The following RAPGEF5 variants were observed in gnomAD, a reference collection of about 807,000 sequenced individuals.
RAPGEF5 encodes M-Ras-regulated GEF.
RAPGEF5 carries 65 observed loss-of-function variants against 125.2 expected under a neutral mutation model. That is an observed-to-expected ratio of 0.52 (90% confidence interval 0.43 to 0.64). RAPGEF5 has a LOEUF of 0.64. Among genes scored for constraint, RAPGEF5 ranks in the 30% least tolerant of loss-of-function variants. The pLI is 0.00. For synonymous variants in RAPGEF5, 391 were observed against 385.9 expected, an observed-to-expected ratio of 1.01 and a Z score of -0.16; for missense variants, 958 against 1,048.1, an observed-to-expected ratio of 0.91 and a Z score of 1.19.
intron 14 of RAPGEF5, among the ~76,000 whole-genome samples, chr7:22,160,062 T>C (rs928413894): frequency 8.5e-5 from 13 of 152,080 alleles, no homozygotes; most frequent in African/African-American, 2.7e-4. Context: ...TGAGCCGAGA[T>C]TGCGCTGCTG....
intron 7 of RAPGEF5, among the ~76,000 whole-genome samples, chr7:22,261,825 T>C (rs1782163115): frequency 7.0e-6 from 1 of 143,090 alleles, no homozygotes; most frequent in African/African-American, 2.6e-5. Flanking sequence ...CAACAAATGG[T>C]GCTGAGGTGA....
intron 2 of RAPGEF5, among the ~76,000 whole-genome samples, chr7:22,316,487 A>ATTTT (rs879849683): frequency 1.3e-3 from 45 of 34,130 alleles, no homozygotes; most frequent in Middle Eastern, 0.033. Context: ...ATATATATAT[A>ATTTT]TATTTTTTTT....
At chr7:22,163,598 C>T (rs940039957) in intron 12 of RAPGEF5, among the ~76,000 whole-genome samples, 4 of 152,124 alleles carry the variant, frequency 2.6e-5, no homozygotes, top group Non-Finnish European at 5.9e-5. Flanking sequence ...AATTTATACA[C>T]GATGACCATA....
intron 9 of RAPGEF5, among the ~76,000 whole-genome samples, chr7:22,206,445 T>C (rs1785397974): frequency 2.0e-5 from 3 of 152,216 alleles, no homozygotes; most frequent in Non-Finnish European, 4.4e-5. Flanking sequence ...CTAATGCTTA[T>C]AGTCCCAGCA....
chr7:22,210,591 T>G (rs1350871162), intron 9 of RAPGEF5, among the ~76,000 whole-genome samples: 1 of 152,192 alleles, frequency 6.6e-6, no homozygotes, highest in Non-Finnish European at 1.5e-5. Flanking sequence ...ATTATCACCA[T>G]TATTCTCTAC....
intron 8 of RAPGEF5, among the ~76,000 whole-genome samples, chr7:22,226,580 A>G (rs1785924006): frequency 6.6e-6 from 1 of 152,202 alleles, no homozygotes; most frequent in African/African-American, 2.4e-5. Flanking sequence ...TGCCCCCTTG[A>G]GAATTGGGAA....
chr7:22,221,267 C>T (rs972486462), intron 8 of RAPGEF5, among the ~76,000 whole-genome samples: 1 of 152,142 alleles, frequency 6.6e-6, no homozygotes, highest in African/African-American at 2.4e-5. Context: ...ACAGTCTGTA[C>T]TCTGTTGGAT....
At chr7:22,217,818 A>G (rs1160628718) in intron 9 of RAPGEF5, among the ~76,000 whole-genome samples, 2 of 152,222 alleles carry the variant, frequency 1.3e-5, no homozygotes, top group African/African-American at 4.8e-5. Context: ...TCACGCAAGA[A>G]GTAAAAAATG....
intron 7 of RAPGEF5, among the ~76,000 whole-genome samples, chr7:22,244,404 G>A (rs549077969): frequency 2.6e-5 from 4 of 152,150 alleles, no homozygotes; most frequent in East Asian, 3.9e-4. Flanking sequence ...GAACATTACC[G>A]CCTGAGCTCT....
chr7:22,177,681 G>A (rs1583451652), intron 11 of RAPGEF5, among the ~76,000 whole-genome samples: 1 of 152,184 alleles, frequency 6.6e-6, no homozygotes, highest in Non-Finnish European at 1.5e-5. Context: ...ACCCTAGAAG[G>A]TAGGTTGCAC....
At chr7:22,149,026 A>G (rs1783533963) in intron 18 of RAPGEF5, among the ~76,000 whole-genome samples, 1 of 152,224 alleles carries the variant, frequency 6.6e-6, no homozygotes, top group South Asian at 2.1e-4. Flanking sequence ...AGGCATGTAC[A>G]AATGAAAGAA....
chr7:22,356,100 C>A, intron 1 of RAPGEF5: 1 of 985,404 alleles, frequency 1.0e-6, no homozygotes, highest in Non-Finnish European at 1.2e-6. Context: ...AGCAGACCTT[C>A]CTGCTTCTCT....
At chr7:22,168,632 A>G (rs1784247999) in intron 11 of RAPGEF5, among the ~76,000 whole-genome samples, 1 of 152,262 alleles carries the variant, frequency 6.6e-6, no homozygotes, top group Non-Finnish European at 1.5e-5. Flanking sequence ...AATAACCAGT[A>G]ATATTTACTT....
chr7:22,318,138 GAAAAAA>G, intron 1 of RAPGEF5, 101 bp from the exon 2 acceptor site: 1 of 701,988 alleles, frequency 1.4e-6, no homozygotes, highest in Non-Finnish European at 2.0e-6. Context: ...CCTCTGCTAT[GAAAAAA>G]AAAAAAAAAA....
rs375537734 is a variant in RAPGEF5, at chr7:22,199,102, T to C, written c.997-5069A>G. Among the ~76,000 whole-genome samples, 22 of 152,322 alleles carry C rather than the reference T, an allele frequency of 1.4e-4. No homozygotes were observed. In the East Asian group the frequency reaches 3.7e-3, roughly 25 times the overall value. On this transcript the variant is annotated intron_variant, in intron 9 of 25. Coordinates refer to ENST00000665637, the MANE Select transcript of RAPGEF5 (RefSeq NM_012294.5). Reference sequence around the variant, plus strand: ...AGGCCAAAGTGAGAGTCAAAAGTTCTAGCATAGCCGGTTTTTAGTTCTGGA... The same window carrying C: ...AGGCCAAAGTGAGAGTCAAAAGTTCCAGCATAGCCGGTTTTTAGTTCTGGA...
intron 5 of RAPGEF5, among the ~76,000 whole-genome samples, chr7:22,301,502 C>T (rs1488899725): frequency 6.6e-6 from 1 of 151,224 alleles, no homozygotes; most frequent in African/African-American, 2.4e-5. Context: ...GTAGTCCCAG[C>T]TACTTGAGAG....
At chr7:22,193,885 G>A (rs1367886607) in intron 10 of RAPGEF5, 30 bp downstream of exon 10, 11 of 1,612,694 alleles carry the variant, frequency 6.8e-6, no homozygotes, top group Non-Finnish European at 9.3e-6. Context: ...ACGGGAGCGC[G>A]TGCCTCTGTG....
intron 6 of RAPGEF5, among the ~76,000 whole-genome samples, chr7:22,275,582 T>C (rs1473811873): frequency 6.6e-6 from 1 of 152,202 alleles, no homozygotes; most frequent in Non-Finnish European, 1.5e-5. Flanking sequence ...TGAGATTCAA[T>C]AGGAGATGCT....
At chr7:22,187,821 T>C (rs1292612304) in intron 11 of RAPGEF5, among the ~76,000 whole-genome samples, 2 of 152,232 alleles carry the variant, frequency 1.3e-5, no homozygotes, top group Admixed American at 1.3e-4. Context: ...AAACCTAGAA[T>C]TGGTCTTTCA....
Sources: gnomAD v4.1 joint callset for allele counts (sites outside exome capture counted in the v4.1 genomes callset) on GRCh38, gnomAD v4.1.1 for gene constraint, MANE v1.5 for transcripts, NCBI Gene and HGNC (gene_info 2026-07-23, HGNC 2026-07-21) for gene names.